The following CDH13 variants were observed in gnomAD, a reference collection of about 807,000 sequenced individuals.
CDH13 encodes cadherin 13, also known as cadherin-13.
A neutral mutation model predicts 63.8 loss-of-function variants in CDH13; 24 were observed. The ratio of observed to expected loss-of-function variants is 0.38; its 90% CI spans 0.27 to 0.53. CDH13 has a LOEUF of 0.53. Ranked by LOEUF, CDH13 falls within the 20% of genes least tolerant of loss-of-function variation. The pLI is 0.85. For synonymous variants in CDH13, 503 were observed against 355.3 expected, an observed-to-expected ratio of 1.42 and a Z score of -4.67; for missense variants, 1,049 against 903.1, an observed-to-expected ratio of 1.16 and a Z score of -2.07.
At chr16:82,723,253 T>A (rs937025477) in intron 1 of CDH13, 2 of 152,370 alleles carry the variant, frequency 1.3e-5, no homozygotes, top group African/African-American at 4.8e-5. Context: ...ACTCTGTTCC[T>A]CCTTATCCTT....
chr16:83,042,946 A>C (rs1415477171), intron 3 of CDH13, among the ~76,000 whole-genome samples: 1 of 152,182 alleles, frequency 6.6e-6, no homozygotes. Flanking sequence ...ACTTCAAAAA[A>C]CCTGTGAAGT....
intron 1 of CDH13, among the ~76,000 whole-genome samples, chr16:82,647,464 A>T (rs922286491): frequency 1.3e-5 from 2 of 152,086 alleles, no homozygotes; most frequent in African/African-American, 2.4e-5. Context: ...TGAGGCAAGG[A>T]AGGAAAAGGA....
At chr16:82,828,410 G>C (rs995120851) in intron 1 of CDH13, among the ~76,000 whole-genome samples, 7 of 152,126 alleles carry the variant, frequency 4.6e-5, no homozygotes, top group Non-Finnish European at 1.5e-5. Context: ...TTGAGGCCAG[G>C]AGTTCAATAC....
At chr16:83,459,800 C>T (rs546931350) in intron 6 of CDH13, among the ~76,000 whole-genome samples, 1 of 152,208 alleles carries the variant, frequency 6.6e-6, no homozygotes, top group Admixed American at 6.5e-5. Context: ...AGTAAACGTC[C>T]CCTGAGTACC....
At chr16:83,654,058 C>T (rs1049880006) in intron 8 of CDH13, among the ~76,000 whole-genome samples, 2 of 151,956 alleles carry the variant, frequency 1.3e-5, no homozygotes, top group Non-Finnish European at 1.5e-5. Flanking sequence ...AAATCAGAGA[C>T]TTAATACATA....
At chr16:83,575,414 C>T (rs564495723) in intron 7 of CDH13, among the ~76,000 whole-genome samples, 1 of 152,284 alleles carries the variant, frequency 6.6e-6, no homozygotes, top group East Asian at 1.9e-4. Flanking sequence ...GTTAAATCAC[C>T]ACCGCAGGGA....
intron 10 of CDH13, among the ~76,000 whole-genome samples, chr16:83,747,568 C>G (rs575603066): frequency 6.6e-6 from 1 of 150,900 alleles, no homozygotes; most frequent in African/African-American, 2.4e-5. Flanking sequence ...AACTCATATT[C>G]TCTCTTCCTG....
chr16:82,890,042 A>G (rs2041024307), intron 2 of CDH13, among the ~76,000 whole-genome samples: 1 of 152,230 alleles, frequency 6.6e-6, no homozygotes, highest in Non-Finnish European at 1.5e-5. Context: ...TATATCTAAT[A>G]AAACTGGCTT....
At position 82,839,046 on chromosome 16, in the gene CDH13, A is replaced by G. The variant is rs558690137; in HGVS notation, c.46-19316A>G. On this transcript the variant is annotated intron_variant, in intron 1 of 13. Coordinates refer to ENST00000567109, the MANE Select transcript of CDH13 (RefSeq NM_001257.5). ...AACCAATGAGCATGGTTGTGTTCCA[A>G]TAAAACTTTATTTACAAAAACTGAC... is the stretch of plus-strand genomic sequence containing the variant. 2.6e-5 allele frequency among the ~76,000 whole-genome samples: 4 copies of G among 152,372 alleles called. No individual in the cohort carries two copies. The East Asian group carries it at 7.7e-4, about 29-fold the overall frequency.
chr16:82,704,936 T>A (rs141748591), intron 1 of CDH13: 45 of 337,894 alleles, frequency 1.3e-4, no homozygotes, highest in African/African-American at 8.4e-4. Flanking sequence ...AAGCCCGGGA[T>A]ATTGACAGAC....
intron 2 of CDH13, among the ~76,000 whole-genome samples, chr16:82,932,986 A>T (rs1290592802): frequency 6.6e-6 from 1 of 152,176 alleles, no homozygotes; most frequent in Non-Finnish European, 1.5e-5. Flanking sequence ...TTTAATTTTA[A>T]TATCAGTATA....
rs547021143 is a variant in CDH13 at position 83,138,145 on chromosome 16, G to A, written c.483+12644G>A. 2.6e-5 allele frequency among the ~76,000 whole-genome samples: 4 copies of A among 152,250 alleles called. No homozygotes were observed. The South Asian group carries it at 8.3e-4, about 32-fold the overall frequency. On this transcript the variant is annotated intron_variant, in intron 4 of 13. Transcript: ENST00000567109. ...TGTCTTCTGTTGCATCGGGTGGTTT[G>A]GGACAAGTGATGAAGAAAGAGAGTC...
At chr16:82,885,139 G>A (rs1370496379) in intron 2 of CDH13, among the ~76,000 whole-genome samples, 4 of 152,140 alleles carry the variant, frequency 2.6e-5, no homozygotes, top group Admixed American at 2.6e-4. Context: ...GCAAGAGATG[G>A]ATACAAAGAT....
rs769261752 is a variant in CDH13, at chr16:83,513,262, G to C, written c.960+26607G>C. ...ATCTGAGTTCACATCTGAGTCAGCCGCTGACTCAGCCCCTGACCACAGAGT... is the reference window on the plus strand; with the variant it reads ...ATCTGAGTTCACATCTGAGTCAGCCCCTGACTCAGCCCCTGACCACAGAGT... On this transcript the variant is annotated intron_variant, in intron 7 of 13. Transcript: ENST00000567109. 2.0e-5 allele frequency among the ~76,000 whole-genome samples: 3 copies of C among 152,164 alleles called. No homozygotes were observed. The East Asian group carries it at 5.8e-4, about 30-fold the overall frequency.
intron 4 of CDH13, among the ~76,000 whole-genome samples, chr16:83,171,290 T>A (rs2037905865): frequency 6.6e-6 from 1 of 152,008 alleles, no homozygotes; most frequent in Non-Finnish European, 1.5e-5. Context: ...GACCAGATCT[T>A]GTGAGAACTC....
intron 4 of CDH13, among the ~76,000 whole-genome samples, chr16:83,198,079 A>G (rs143680646): frequency 1.1e-4 from 16 of 152,216 alleles, no homozygotes; most frequent in Non-Finnish European, 2.1e-4. Context: ...TAGTATAGTT[A>G]ACTATCCAGT....
chr16:83,462,031 C>T (rs562336700), intron 6 of CDH13, among the ~76,000 whole-genome samples: 3 of 152,342 alleles, frequency 2.0e-5, no homozygotes, highest in Non-Finnish European at 4.4e-5. Flanking sequence ...TCGTGGCTCT[C>T]ATGAGTCTAT....
chr16:82,926,296 AG>A (rs1324135771), intron 2 of CDH13, among the ~76,000 whole-genome samples: 1 of 151,814 alleles, frequency 6.6e-6, no homozygotes, highest in Non-Finnish European at 1.5e-5. Flanking sequence ...AAAAAAAAAA[AG>A]AAAAAAAAAG....
intron 1 of CDH13, among the ~76,000 whole-genome samples, chr16:82,699,663 A>T (rs1006701948): frequency 6.6e-6 from 1 of 152,250 alleles, no homozygotes; most frequent in African/African-American, 2.4e-5. Context: ...TGTAATCAGT[A>T]CACACATTTT....
Sources: allele counts gnomAD v4.1 joint callset (sites outside exome capture counted in the v4.1 genomes callset), GRCh38; gene constraint gnomAD v4.1.1; transcripts MANE v1.5; gene names NCBI Gene and HGNC (gene_info 2026-07-23, HGNC 2026-07-21).